The following ZMYND10 variants were observed in gnomAD, a reference collection of about 807,000 sequenced individuals.
ZMYND10 encodes zinc finger MYND-type containing 10.
ZMYND10 carries 52 observed loss-of-function variants against 62.6 expected under a neutral mutation model. The ratio of observed to expected loss-of-function variants is 0.83; its 90% CI spans 0.67 to 1.05. ZMYND10 has a LOEUF of 1.05. Ranked by LOEUF, ZMYND10 falls within the 50% of genes least tolerant of loss-of-function variation. The pLI is 0.00. For synonymous variants in ZMYND10, 197 were observed against 218.5 expected, an observed-to-expected ratio of 0.90 and a Z score of 0.87; for missense variants, 438 against 543.3, an observed-to-expected ratio of 0.81 and a Z score of 1.93.
Position 50,341,386 on chromosome 3 carries a change from G to A in ZMYND10, c.*24C>T. The A allele has an allele frequency of 6.2e-7, 1 of 1,613,610 alleles. No homozygotes were observed. Among genetic ancestry groups the A allele is most frequent in the South Asian group, 1.1e-5 (1 of 91,070 alleles). On this transcript the variant is annotated 3_prime_UTR_variant, in exon 12 of 12. Transcript: ENST00000231749. The stretch of plus-strand genomic sequence containing the variant: ...TGGGTGGATTCCCTTGGCATGGGTG[G>A]TCGGCCCTCAGCAACTGCAGCCCTC...
In ZMYND10 at chr3:50,341,291, T is replaced by G; in HGVS notation, c.*119A>C. On this transcript the variant is annotated 3_prime_UTR_variant, in exon 12 of 12. Transcript: ENST00000231749. ...CGGTCAGCAGCTTTACCGCCCGCTC[T>G]GCTCTCCACTGCGGAGACTGGGGCT... The G allele has an allele frequency of 1.6e-6, 2 of 1,262,606 alleles. No homozygotes were observed. Among genetic ancestry groups the G allele is most frequent in the Non-Finnish European group, 2.2e-6 (2 of 898,472 alleles). The allele number at this position is 1,262,606 out of a possible 1,614,324, so 78.2% of individuals were successfully genotyped here.
At chr3:50,343,662 T>G (rs1703455155) in intron 3 of ZMYND10, 46 bp from the exon 4 acceptor site, 3 of 1,613,870 alleles carry the variant, frequency 1.9e-6, no homozygotes, top group Non-Finnish European at 2.5e-6. Flanking sequence ...GGATAGGGGC[T>G]ACCAGCTCTC....
rs1703414179 is a variant in ZMYND10 at position 50,342,521 on chromosome 3, G to C, written c.749C>G (p.Ser250Ter). The change falls in exon 8 of 12, where the codon TCA becomes TGA. Residue 250 changes from serine to a stop codon, truncating the protein, a stop_gained. Coordinates refer to ENST00000231749, the MANE Select transcript of ZMYND10 (RefSeq NM_015896.4). LOFTEE classifies it high-confidence loss of function. The part of the protein sequence containing the change: ...EGSRWHTVAP[S>*]EQQKLSKLDG... Reference sequence around the variant, plus strand: ...CAACTTGCTCAGCTTTTGCTGCTCTGAGGGGGCCACAGTATGCCAACGGCT... The same window carrying C: ...CAACTTGCTCAGCTTTTGCTGCTCTCAGGGGGCCACAGTATGCCAACGGCT... 1 of 1,614,136 alleles carries C rather than the reference G, an allele frequency of 6.2e-7. No individual in the cohort carries two copies. The highest frequency in any genetic ancestry group is 8.5e-7 in the Non-Finnish European group (1 of 1,179,998).
chr3:50,342,032 C>A lies in ZMYND10; in HGVS notation c.982G>T (p.Asp328Tyr). 6.2e-7 allele frequency: 1 copy of A among 1,614,178 alleles called. No homozygotes were observed. The highest frequency in any genetic ancestry group is 8.5e-7 in the Non-Finnish European group (1 of 1,180,032). Reference sequence around the variant, plus strand: ...GTGCCTACCTGTTCCAACACCAGGTCCTTCTTAGGAGGCTGGGTTTCAGTT... The same window carrying A: ...GTGCCTACCTGTTCCAACACCAGGTACTTCTTAGGAGGCTGGGTTTCAGTT... ...TLTETQPPKKDLVLEQIPEIW... is the reference protein window; with the variant it reads ...TLTETQPPKKYLVLEQIPEIW... Residue 328 changes from aspartate to tyrosine, a missense_variant, in exon 9 of 12, where the codon GAC becomes TAC. Coordinates refer to ENST00000231749, the MANE Select transcript of ZMYND10 (RefSeq NM_015896.4).
rs1703516483 is a variant in ZMYND10, at chr3:50,345,492, CG to C, written c.87del (p.Glu30LysfsTer13). 1 of 1,601,624 alleles carries C rather than the reference CG, an allele frequency of 6.2e-7. No homozygotes were observed. Among genetic ancestry groups the C allele is most frequent in the Middle Eastern group, 1.7e-4 (1 of 6,036 alleles). On this transcript the variant is annotated frameshift_variant, in exon 1 of 12. Coordinates refer to ENST00000231749, the MANE Select transcript of ZMYND10 (RefSeq NM_015896.4). LOFTEE classifies it high-confidence loss of function. The surrounding 1 kb of genome is among the most constrained non-coding windows in gnomAD (Gnocchi z 5.0). ...LRSFPLREMG[S>X]EGWNQQHENL... ...CGCCTGACCCGGGTGCCTCACCCTT[CG>C]GAGCCCATCTCGCGTAGCGGGAAGC...
chr3:50,345,408 A>C lies in ZMYND10; in HGVS notation c.92+80T>G. The C allele has an allele frequency of 6.5e-7, 1 of 1,538,062 alleles. No homozygotes were observed. The highest frequency in any genetic ancestry group is 8.8e-7 in the Non-Finnish European group (1 of 1,137,656). On this transcript the variant is annotated intron_variant, in intron 1 of 11. Coordinates refer to ENST00000231749, the MANE Select transcript of ZMYND10 (RefSeq NM_015896.4). This position sits in a 1 kb window ranked among gnomAD's most constrained non-coding sequence, Gnocchi z 5.0. ...ATTTGGGAGCCCCTCCACACTGGGCAGCCCCTCCCCCGAGTCAGGCCCCAG... is the reference window on the plus strand; with the variant it reads ...ATTTGGGAGCCCCTCCACACTGGGCCGCCCCTCCCCCGAGTCAGGCCCCAG...
At chr3:50,342,256 G>A (rs1424736438) in intron 8 of ZMYND10, 116 bp from the exon 9 acceptor site, 1 of 1,577,234 alleles carries the variant, frequency 6.3e-7, no homozygotes, top group Non-Finnish European at 8.6e-7. Context: ...CCCACTAGCT[G>A]GTGTGTCACC....
In ZMYND10 at chr3:50,345,247, A is replaced by G; in HGVS notation, c.93-15T>C. On this transcript the variant is annotated splice_polypyrimidine_tract_variant and intron_variant, in intron 1 of 11. Coordinates refer to ENST00000231749, the MANE Select transcript of ZMYND10 (RefSeq NM_015896.4). The surrounding 1 kb of genome is among the most constrained non-coding windows in gnomAD (Gnocchi z 5.0). ...GCTGGTTCCACCTGCCTCAGAGGGT[A>G]AGTGCATGTGCGTCCACGTGTGTGC... is the stretch of plus-strand genomic sequence containing the variant. 1 of 1,611,766 alleles carries G rather than the reference A, an allele frequency of 6.2e-7. No homozygotes were observed. Among genetic ancestry groups the G allele is most frequent in the Non-Finnish European group, 8.5e-7 (1 of 1,178,988 alleles).
At position 50,341,859 on chromosome 3, in the gene ZMYND10, G is replaced by A; in HGVS notation, c.1072C>T (p.Gln358Ter). ...TGCTCTGAGGGGCTGAACACATGCT[G>A]GAGCTGGTGCTTGGCAATTGCCTGC... The part of the protein sequence containing the change: ...KWQAIAKHQL[Q>*]HVFSPSEQDL... The change falls in exon 10 of 12, where the codon CAG (glutamine) becomes TAG (stop). Residue 358 changes from glutamine to a stop codon, truncating the protein, a stop_gained. Transcript: ENST00000231749. LOFTEE classifies it high-confidence loss of function. 1 of 1,614,134 alleles carries A rather than the reference G, an allele frequency of 6.2e-7. No homozygotes were observed. Among genetic ancestry groups the A allele is most frequent in the Non-Finnish European group, 8.5e-7 (1 of 1,180,040 alleles).
chr3:50,343,204 C>G lies in ZMYND10; in HGVS notation c.513G>C (p.Glu171Asp), dbSNP rs768417705. 1.2e-6 allele frequency: 2 copies of G among 1,614,106 alleles called. No individual in the cohort carries two copies. Among genetic ancestry groups the G allele is most frequent in the Non-Finnish European group, 1.7e-6 (2 of 1,180,042 alleles). The change falls in exon 6 of 12, where the codon GAG (glutamate) becomes GAC (aspartate). Residue 171 changes from glutamate to aspartate, a missense_variant and splice_region_variant. Physicochemically the swap from Glu to Asp is conservative, Grantham distance 45. Coordinates refer to ENST00000231749, the MANE Select transcript of ZMYND10 (RefSeq NM_015896.4). ...CCATCAGCTCTGCCTGCTTCTGCAG[C>G]TCCTGGGAGGTCACACAGTGTTCAC... is the stretch of plus-strand genomic sequence containing the variant. The part of the protein sequence containing the change: ...EGSQDSNPMQ[E>D]LQKQAELMEF...
In ZMYND10 at chr3:50,342,041, G is replaced by A; in HGVS notation, c.973C>T (p.Pro325Ser). ...TGTTCCAACACCAGGTCCTTCTTAG[G>A]AGGCTGGGTTTCAGTTAGGGTCAGA... ...AHLTLTETQP[P>S]KKDLVLEQIP... Residue 325 changes from proline to serine, a missense_variant, in exon 9 of 12, where the codon CCT (proline) becomes TCT (serine). Coordinates refer to ENST00000231749, the MANE Select transcript of ZMYND10 (RefSeq NM_015896.4). 1 of 1,614,228 alleles carries A rather than the reference G, an allele frequency of 6.2e-7. No homozygotes were observed. Among genetic ancestry groups the A allele is most frequent in the Non-Finnish European group, 8.5e-7 (1 of 1,180,042 alleles).
intron 2 of ZMYND10, among the ~76,000 whole-genome samples, chr3:50,344,421 C>G (rs59476380): frequency 6.7e-6 from 1 of 150,344 alleles, no homozygotes; most frequent in Non-Finnish European, 1.5e-5. Flanking sequence ...CAGGTTCAAG[C>G]GATTCTCCTG....
At position 50,341,692 on chromosome 3, in the gene ZMYND10, C is replaced by T; in HGVS notation, c.1129G>A (p.Glu377Lys). Residue 377 changes from glutamate (E) to lysine (K), a missense_variant, in exon 11 of 12, where the codon GAG becomes AAG. By Grantham distance (56) the Glu-to-Lys change is moderately conservative. Coordinates refer to ENST00000231749, the MANE Select transcript of ZMYND10 (RefSeq NM_015896.4). Reference sequence around the variant, plus strand: ...TCTAGCACATCCAGCCTGTAGGTCTCAGCCCACCTGGGGGAAAGTCAGGAA... The same window carrying T: ...TCTAGCACATCCAGCCTGTAGGTCTTAGCCCACCTGGGGGAAAGTCAGGAA... Reference protein sequence around the residue: ...DLRLQARRWAETYRLDVLEAV... With the variant: ...DLRLQARRWAKTYRLDVLEAV... 2 of 1,614,180 alleles carry T rather than the reference C, an allele frequency of 1.2e-6. No individual in the cohort carries two copies. The highest frequency in any genetic ancestry group is 4.5e-5 in the East Asian group (2 of 44,880).
intron 11 of ZMYND10, 34 bp from the exon 12 acceptor site, chr3:50,341,519 A>ATG (rs773233704): frequency 1.2e-6 from 2 of 1,614,232 alleles, no homozygotes; most frequent in Non-Finnish European, 1.7e-6. Context: ...ATGGCAATGC[A>ATG]TGTGGGGGAT....
At position 50,341,913 on chromosome 3, in the gene ZMYND10, G is replaced by T. The variant is rs748003863; in HGVS notation, c.1018C>A (p.Arg340=). The T allele has an allele frequency of 1.2e-6, 2 of 1,614,170 alleles. No individual in the cohort carries two copies. The highest frequency in any genetic ancestry group is 3.3e-5 in the Admixed American group (2 of 60,016). The change falls in exon 10 of 12, where the codon CGG becomes AGG. Residue 340 remains arginine, a synonymous_variant. Coordinates refer to ENST00000231749, the MANE Select transcript of ZMYND10 (RefSeq NM_015896.4). ...TTGCCTCTGTTTTCTCGCTCCAGCC[G>T]CTCCCAGATTTCTGGGATCTAGGAG... ...VLEQIPEIWE[R]LERENRGKWQ...
intron 7 of ZMYND10, 25 bp from the exon 8 acceptor site, chr3:50,342,594 G>C (rs1341411364): frequency 4.4e-6 from 7 of 1,601,148 alleles, no homozygotes; most frequent in Non-Finnish European, 6.0e-6. Context: ...CAGCACACTG[G>C]GTGCAGACGT....
rs1012050740 is a variant in ZMYND10 at position 50,343,406 on chromosome 3, C to G, written c.411G>C (p.Leu137Phe). The G allele has an allele frequency of 6.2e-7, 1 of 1,613,586 alleles. No homozygotes were observed. The highest frequency in any genetic ancestry group is 8.5e-7 in the Non-Finnish European group (1 of 1,179,760). ...CESAEDTVLD[L>F]VDYCHRKLTL... Reference sequence around the variant, plus strand: ...TCAGTTTGCGGTGGCAATAGTCTACCAAGTCCAAGACAGTGTCTTCTGCTG... The same window carrying G: ...TCAGTTTGCGGTGGCAATAGTCTACGAAGTCCAAGACAGTGTCTTCTGCTG... Residue 137 changes from leucine to phenylalanine, a missense_variant, in exon 5 of 12, where the codon TTG becomes TTC. By Grantham distance (22) the Leu-to-Phe change is conservative. Coordinates refer to ENST00000231749, the MANE Select transcript of ZMYND10 (RefSeq NM_015896.4).
rs150467144 is a variant in ZMYND10 at position 50,341,650 on chromosome 3, G to A, written c.1171C>T (p.Arg391Trp). The A allele has an allele frequency of 1.3e-4, 205 of 1,614,122 alleles. No individual in the cohort carries two copies. The highest frequency in any genetic ancestry group is 1.6e-4 in the Middle Eastern group (1 of 6,084). The change falls in exon 11 of 12, where the codon CGG becomes TGG. Residue 391 changes from arginine to tryptophan, a missense_variant. Coordinates refer to ENST00000231749, the MANE Select transcript of ZMYND10 (RefSeq NM_015896.4). ...GCACTGCAGTAAGCACAGCGGGGCC[G>A]CTCTGGAGCCACTGCCTCTAGCACA... Reference protein sequence around the residue: ...LDVLEAVAPERPRCAYCSAEA... With the variant: ...LDVLEAVAPEWPRCAYCSAEA...
At position 50,341,555 on chromosome 3, in the gene ZMYND10, G is replaced by A; in HGVS notation, c.1247+19C>T. 6.2e-7 allele frequency: 1 copy of A among 1,614,218 alleles called. No individual in the cohort carries two copies. Among genetic ancestry groups the A allele is most frequent in the South Asian group, 1.1e-5 (1 of 91,076 alleles). ...GTGGGAGTAGGGCTTAGAGGTCCAA[G>A]GTTCTAGGATACCCTCACCTGCAGC... On this transcript the variant is annotated intron_variant, in intron 11 of 11. Transcript: ENST00000231749.
Sources: allele counts gnomAD v4.1 joint callset (sites outside exome capture counted in the v4.1 genomes callset), GRCh38; gene constraint gnomAD v4.1.1; non-coding constraint Gnocchi (gnomAD v3.1); transcripts MANE v1.5; gene names NCBI Gene and HGNC (gene_info 2026-07-23, HGNC 2026-07-21).